The following STAC variants were observed in gnomAD, a reference collection of about 807,000 sequenced individuals.
The protein encoded by STAC is SH3 and cysteine-rich domain-containing protein.
In STAC, 43 loss-of-function variants were observed where a neutral mutation model predicts 48.8. The ratio of observed to expected loss-of-function variants is 0.88; its 90% CI spans 0.69 to 1.14. The LOEUF (loss-of-function observed/expected upper bound fraction) is 1.14, where lower values mean the gene tolerates loss of function less well. STAC is among the 50% of genes most tolerant of loss of function. The pLI, the probability that STAC is intolerant of heterozygous loss-of-function variation, is 0.00. For missense variants in STAC, 497 were observed against 504.0 expected (o/e 0.99, Z 0.13); for synonymous variants, 193 against 179.5 (o/e 1.07, Z -0.60).
intron 10 of STAC, among the ~76,000 whole-genome samples, chr3:36,535,132 G>C (rs1699168300): frequency 6.6e-6 from 1 of 151,968 alleles, no homozygotes; most frequent in South Asian, 2.1e-4. Context: ...ATTTGTTTGT[G>C]TCCTCTCTTA....
chr3:36,533,875 CA>C (rs1209791890), intron 10 of STAC, among the ~76,000 whole-genome samples: 1 of 152,068 alleles, frequency 6.6e-6, no homozygotes, highest in Non-Finnish European at 1.5e-5. Flanking sequence ...ATTTTAGGTT[CA>C]GGGGTACAAC....
intron 1 of STAC, among the ~76,000 whole-genome samples, chr3:36,416,612 G>A (rs767758347): frequency 3.9e-5 from 6 of 151,960 alleles, no homozygotes; most frequent in African/African-American, 9.7e-5. Context: ...ATCTCCAGTC[G>A]GTTCCCTGTG....
At chr3:36,518,214 C>T (rs1698719993) in intron 8 of STAC, among the ~76,000 whole-genome samples, 1 of 152,114 alleles carries the variant, frequency 6.6e-6, no homozygotes, top group African/African-American at 2.4e-5. Flanking sequence ...TTCAAGTAAA[C>T]ATAAACTCCT....
intron 2 of STAC, among the ~76,000 whole-genome samples, chr3:36,460,802 A>G (rs932420112): frequency 3.9e-5 from 6 of 152,202 alleles, no homozygotes; most frequent in African/African-American, 1.4e-4. Context: ...CGATTTACAG[A>G]TTCAATGCAA....
chr3:36,499,906 T>TTTTTCACACA (rs1184911789), intron 6 of STAC, among the ~76,000 whole-genome samples: 283 of 152,234 alleles, frequency 1.9e-3, no homozygotes, highest in African/African-American at 6.5e-3. Context: ...AAAAATTGAC[T>TTTTTCACACA]TTAAGACCAA....
intron 2 of STAC, among the ~76,000 whole-genome samples, chr3:36,461,897 T>C (rs1387361970): frequency 6.6e-6 from 1 of 152,182 alleles, no homozygotes; most frequent in Non-Finnish European, 1.5e-5. Flanking sequence ...GCAAGGACTT[T>C]GGCTTTTATT....
chr3:36,497,195 G>A (rs1698171714), intron 6 of STAC, among the ~76,000 whole-genome samples: 1 of 152,180 alleles, frequency 6.6e-6, no homozygotes, highest in South Asian at 2.1e-4. Flanking sequence ...CATTACAGAT[G>A]CAAATATTTG....
At chr3:36,480,643 A>G (rs773462986) in intron 2 of STAC, among the ~76,000 whole-genome samples, 2 of 152,206 alleles carry the variant, frequency 1.3e-5, no homozygotes, top group Non-Finnish European at 2.9e-5. Context: ...ACCTTCTCCA[A>G]CCTGGGGCAA....
At chr3:36,476,595 A>C (rs1401619619) in intron 2 of STAC, among the ~76,000 whole-genome samples, 1 of 152,196 alleles carries the variant, frequency 6.6e-6, no homozygotes, top group Non-Finnish European at 1.5e-5. Context: ...TCTCCATGTG[A>C]TTCTGTTTCT....
intron 1 of STAC, among the ~76,000 whole-genome samples, chr3:36,415,257 G>A (rs1700293035): frequency 6.6e-6 from 1 of 152,172 alleles, no homozygotes. Flanking sequence ...GCTATGCCCT[G>A]CCCCCAGAGG....
chr3:36,484,512 A>C, intron 3 of STAC, among the ~76,000 whole-genome samples: 1 of 152,252 alleles, frequency 6.6e-6, no homozygotes, highest in Non-Finnish European at 1.5e-5. Context: ...ATTACAGAGC[A>C]AATGATTCTG....
chr3:36,429,718 G>T (rs1474136753), intron 1 of STAC, among the ~76,000 whole-genome samples: 1 of 152,088 alleles, frequency 6.6e-6, no homozygotes, highest in Admixed American at 6.6e-5. Context: ...CTCTACCTTT[G>T]GTTTCAGGCC....
chr3:36,462,401 G>C (rs1697043886), intron 2 of STAC, among the ~76,000 whole-genome samples: 1 of 152,068 alleles, frequency 6.6e-6, no homozygotes, highest in South Asian at 2.1e-4. Context: ...TGGAGTTTGA[G>C]AGTCTTGTCT....
Position 36,498,152 on chromosome 3 carries a change from T to G in STAC, c.766+4923T>G, listed in dbSNP as rs1189375077. 2.6e-5 allele frequency among the ~76,000 whole-genome samples: 4 copies of G among 152,282 alleles called. No homozygotes were observed. In the South Asian group the frequency reaches 8.3e-4, roughly 32 times the overall value. ...ATTAAGAAATATATAACTATATAAT[T>G]GTATACATTTAAAATGTTAAAAATG... On this transcript the variant is annotated intron_variant, in intron 6 of 10. Transcript: ENST00000273183.
At chr3:36,533,128 G>A (rs1373753962) in intron 10 of STAC, among the ~76,000 whole-genome samples, 1 of 152,162 alleles carries the variant, frequency 6.6e-6, no homozygotes, top group African/African-American at 2.4e-5. Context: ...ACAGTAAAGA[G>A]CAGCTTGGTT....
chr3:36,463,959 A>C (rs1207009368), intron 2 of STAC, among the ~76,000 whole-genome samples: 1 of 152,072 alleles, frequency 6.6e-6, no homozygotes, highest in Admixed American at 6.6e-5. Context: ...TGCTATTGTG[A>C]ATAGTGCCAC....
Position 36,478,985 on chromosome 3 carries a change from C to T in STAC, c.389-4007C>T, listed in dbSNP as rs1003061506. ...AAGTCTGCTGCCTTACTTCTTTTGA[C>T]GCTCCAGTGTACAGGTACTACAGAG... On this transcript the variant is annotated intron_variant, in intron 2 of 10. Coordinates refer to ENST00000273183, the MANE Select transcript of STAC (RefSeq NM_003149.3). 5.3e-5 allele frequency among the ~76,000 whole-genome samples: 8 copies of T among 152,170 alleles called. No homozygotes were observed. In the South Asian group the frequency reaches 8.3e-4, roughly 16 times the overall value.
chr3:36,494,147 G>A lies in STAC; in HGVS notation c.766+918G>A, dbSNP rs1475152858. ...CGCCTGGGCCACAGAGCGAGACTCC[G>A]TCTCAAAAAAAAAAAAAAAAAAAAA... On this transcript the variant is annotated intron_variant, in intron 6 of 10. Coordinates refer to ENST00000273183, the MANE Select transcript of STAC (RefSeq NM_003149.3). Among the ~76,000 whole-genome samples the A allele has an allele frequency of 1.0e-4, 10 of 97,442 alleles. No homozygotes were observed. The South Asian group carries it at 2.7e-3, about 27-fold the overall frequency. 63.9% of individuals were successfully genotyped at this position (97,442 alleles called of 152,430 possible).
In STAC at chr3:36,398,519, G is replaced by GAA. The variant is rs536355667; in HGVS notation, c.111+17766_111+17767insAA. Among the ~76,000 whole-genome samples the GAA allele has an allele frequency of 1.3e-3, 84 of 66,704 alleles. 8 individuals are homozygous for GAA. The highest frequency in any genetic ancestry group is 1.6e-3 in the Non-Finnish European group (60 of 36,536). The allele number at this position is 66,704 out of a possible 152,430, so 43.8% of individuals were successfully genotyped here. On this transcript the variant is annotated intron_variant, in intron 1 of 10. Transcript: ENST00000273183. ...AGGAGGGAAGGAAGAGAAAAAGAAA[G>GAA]AGAGAGAAAGAAAGAAAGAGAGGTA...
Sources: allele counts gnomAD v4.1 joint callset (sites outside exome capture counted in the v4.1 genomes callset), GRCh38; gene constraint gnomAD v4.1.1; transcripts MANE v1.5; gene names NCBI Gene and HGNC (gene_info 2026-07-23, HGNC 2026-07-21).